Variants in BLTP1 observed in about 807,000 individuals in gnomAD.
The protein encoded by BLTP1 is bridge-like lipid transfer protein family member 1.
the BLTP1 span, chr4:122,178,037 T>C: frequency 1.3e-6 from 1 of 784,534 alleles, no homozygotes; most frequent in Non-Finnish European, 1.5e-6. Flanking sequence ...CTCATTTGTA[T>C]AAAAGAGTAA....
chr4:122,166,713 A>G, the BLTP1 span, among the ~76,000 whole-genome samples: 1 of 152,114 alleles, frequency 6.6e-6, no homozygotes, highest in Admixed American at 6.5e-5. Flanking sequence ...TGAGCATGGA[A>G]TGTTCTTCCA....
At chr4:122,207,492 A>C in the BLTP1 span, 1 of 1,529,134 alleles carries the variant, frequency 6.5e-7, no homozygotes, top group Non-Finnish European at 8.7e-7. Context: ...AATGGACATT[A>C]AAAGTAAATT....
chr4:122,271,454 A>G, the BLTP1 span: 1 of 1,613,714 alleles, frequency 6.2e-7, no homozygotes, highest in African/African-American at 1.3e-5. Flanking sequence ...CAAACGGACC[A>G]ACAATGAGAA....
At chr4:122,348,149 G>A in the BLTP1 span, among the ~76,000 whole-genome samples, 315 of 152,202 alleles carry the variant, frequency 2.1e-3, 1 homozygote, top group African/African-American at 7.4e-3. Flanking sequence ...TATATACTAA[G>A]TCCATAAGAA....
the BLTP1 span, among the ~76,000 whole-genome samples, chr4:122,232,961 A>G: frequency 1.3e-5 from 2 of 152,212 alleles, no homozygotes; most frequent in African/African-American, 2.4e-5. Context: ...AGAGAAATGT[A>G]TATTCATTTC....
chr4:122,328,822 A>G, the BLTP1 span: 1 of 948,092 alleles, frequency 1.1e-6, no homozygotes, highest in Non-Finnish European at 1.3e-6. Flanking sequence ...AATAAATGAC[A>G]TATGTGAAAC....
the BLTP1 span, chr4:122,237,692 A>G: frequency 2.3e-5 from 15 of 645,066 alleles, no homozygotes; most frequent in Admixed American, 1.3e-4. Context: ...ACAAATTGCT[A>G]TATGGAATTA....
the BLTP1 span, among the ~76,000 whole-genome samples, chr4:122,253,666 A>T: frequency 6.6e-6 from 1 of 152,178 alleles, no homozygotes; most frequent in African/African-American, 2.4e-5. Flanking sequence ...AAATAGCCTC[A>T]AAAGGGCAAA....
the BLTP1 span, chr4:122,242,950 A>C: frequency 1.7e-6 from 2 of 1,143,748 alleles, no homozygotes; most frequent in Non-Finnish European, 2.6e-6. Context: ...ATATCATAAA[A>C]TTAGGGAAAT....
chr4:122,299,990 T>G, the BLTP1 span: 5 of 914,986 alleles, frequency 5.5e-6, no homozygotes, highest in African/African-American at 9.0e-5. Flanking sequence ...TATAGTTTAT[T>G]CTTCCAAAAT....
the BLTP1 span, chr4:122,200,987 T>C: frequency 6.2e-6 from 10 of 1,601,878 alleles, no homozygotes; most frequent in Admixed American, 1.8e-5. Context: ...TTAATTACTT[T>C]TACCTAACAT....
chr4:122,173,301 C>A, the BLTP1 span: 1 of 857,696 alleles, frequency 1.2e-6, no homozygotes, highest in Non-Finnish European at 1.8e-6. Flanking sequence ...GCTGGGAAGT[C>A]CCAAGTTGAG....
At chr4:122,219,596 GAA>G in the BLTP1 span, 1 of 1,518,578 alleles carries the variant, frequency 6.6e-7, no homozygotes, top group South Asian at 1.1e-5. Context: ...AAGTAGTCTG[GAA>G]TATATTATAA....
At chr4:122,235,587 C>T in the BLTP1 span, 1,152 of 392,344 alleles carry the variant, frequency 2.9e-3, 5 homozygotes, top group South Asian at 4.6e-3. Flanking sequence ...GGGCGGATCA[C>T]GAGGTCAGGA....
the BLTP1 span, chr4:122,171,873 G>A: frequency 4.7e-3 from 4,662 of 984,598 alleles, 16 homozygotes; most frequent in Admixed American, 7.6e-3. Flanking sequence ...GAGCATAGGG[G>A]GGCGTGATAT....
At chr4:122,263,303 C>A in the BLTP1 span, 1 of 1,408,818 alleles carries the variant, frequency 7.1e-7, no homozygotes. Flanking sequence ...TATCCAAATA[C>A]CAACATTATG....
the BLTP1 span, chr4:122,318,367 A>G: frequency 1.1e-6 from 1 of 896,192 alleles, no homozygotes; most frequent in Non-Finnish European, 1.8e-6. Flanking sequence ...AGCACGTTAC[A>G]TGTAATCACC....
At chr4:122,340,632 G>A in the BLTP1 span, 1 of 692,922 alleles carries the variant, frequency 1.4e-6, no homozygotes, top group Non-Finnish European at 1.8e-6. Flanking sequence ...ATCTTTGAAA[G>A]TTTTCACAAC....
the BLTP1 span, among the ~76,000 whole-genome samples, chr4:122,361,300 A>G: frequency 2.0e-5 from 3 of 152,070 alleles, no homozygotes; most frequent in African/African-American, 7.2e-5. Flanking sequence ...TCCTACCTGC[A>G]GGGCATCGAT....
Sources: allele counts gnomAD v4.1 joint callset (sites outside exome capture counted in the v4.1 genomes callset), GRCh38; gene constraint gnomAD v4.1.1; transcripts MANE v1.5; gene names NCBI Gene and HGNC (gene_info 2026-07-23, HGNC 2026-07-21).